Variants in SFXN5 observed in about 807,000 individuals in gnomAD.
SFXN5 encodes sideroflexin-5.
A neutral mutation model predicts 50.2 loss-of-function variants in SFXN5; 43 were observed. That is an observed-to-expected ratio of 0.86 (90% CI 0.67 to 1.11). The LOEUF (loss-of-function observed/expected upper bound fraction) is 1.11, where lower values mean the gene tolerates loss of function less well. Among genes scored for constraint, SFXN5 ranks in the 50% least tolerant of loss-of-function variants. The pLI is 0.00. For missense variants in SFXN5, 463 were observed against 454.1 expected (o/e 1.02, Z -0.18); for synonymous variants, 203 against 185.8 (o/e 1.09, Z -0.75).
chr2:72,969,751 G>T (rs1401614949), intron 11 of SFXN5, among the ~76,000 whole-genome samples: 2 of 148,506 alleles, frequency 1.3e-5, no homozygotes, highest in East Asian at 2.0e-4. Flanking sequence ...AAGATCTTGT[G>T]TCTCTTGGCT....
At chr2:73,011,469 A>C (rs1349381796) in intron 6 of SFXN5, among the ~76,000 whole-genome samples, 4 of 152,372 alleles carry the variant, frequency 2.6e-5, no homozygotes, top group Admixed American at 6.5e-5. Flanking sequence ...TATAACAAAG[A>C]CACCAGAGAA....
chr2:72,957,118 A>G (rs1673184034), intron 13 of SFXN5: 1 of 455,364 alleles, frequency 2.2e-6, no homozygotes, highest in Non-Finnish European at 4.4e-6. Context: ...AGTGGACCAC[A>G]TCCCCTTTCT....
intron 2 of SFXN5, among the ~76,000 whole-genome samples, chr2:73,051,250 T>A (rs965101466): frequency 5.2e-5 from 7 of 134,698 alleles, no homozygotes; most frequent in Admixed American, 1.7e-4. Context: ...TGAGACTTTT[T>A]CCAGCACTTT....
At chr2:73,050,005 A>C (rs990041686) in intron 2 of SFXN5, 3 of 149,870 alleles carry the variant, frequency 2.0e-5, no homozygotes, top group African/African-American at 7.4e-5. Context: ...CCAGGTCCTC[A>C]GTAAATCTAA....
chr2:72,996,506 T>TG (rs1491558309), intron 9 of SFXN5: 4 of 122,242 alleles, frequency 3.3e-5, no homozygotes, highest in Non-Finnish European at 5.3e-5. Flanking sequence ...AGCTGAGTTT[T>TG]GTTTTTTTTT....
intron 10 of SFXN5, among the ~76,000 whole-genome samples, chr2:72,981,621 G>A (rs1671309035): frequency 6.6e-6 from 1 of 152,086 alleles, no homozygotes; most frequent in African/African-American, 2.4e-5. Flanking sequence ...CAGAGCCCTG[G>A]GACACTAGAC....
intron 10 of SFXN5, among the ~76,000 whole-genome samples, chr2:72,972,032 T>C (rs1670069878): frequency 1.3e-5 from 2 of 152,216 alleles, no homozygotes; most frequent in Admixed American, 1.3e-4. Flanking sequence ...CTCTCTGACC[T>C]GAAGTCGCAT....
At chr2:72,986,398 G>A (rs1484327566) in intron 10 of SFXN5, among the ~76,000 whole-genome samples, 3 of 152,188 alleles carry the variant, frequency 2.0e-5, no homozygotes, top group Non-Finnish European at 2.9e-5. Flanking sequence ...GCTCTGGGCT[G>A]TAGGAAGGTG....
intron 1 of SFXN5, among the ~76,000 whole-genome samples, chr2:73,064,780 A>T (rs1683057502): frequency 6.6e-6 from 1 of 152,154 alleles, no homozygotes; most frequent in South Asian, 2.1e-4. Context: ...CTTCCAAAGG[A>T]GCAAGGAATT....
At position 73,000,434 on chromosome 2, in the gene SFXN5, G is replaced by A. The variant is rs1327954542; in HGVS notation, c.465C>T (p.Thr155=). ...GGGAGAGGGCAGTGATGCTCACCTT[G>A]GTCGCATTGCGGTTTGCATAGTTGA... The part of the protein sequence containing the change: ...ACVNYANRNA[T]KPSPASKFIQ... Residue 155 remains threonine (T), a synonymous_variant, in exon 8 of 14, where the codon ACC becomes ACT. Coordinates refer to ENST00000272433, the MANE Select transcript of SFXN5 (RefSeq NM_144579.3). The A allele has an allele frequency of 6.4e-7, 1 of 1,557,426 alleles. No homozygotes were observed. The highest frequency in any genetic ancestry group is 1.2e-5 in the South Asian group (1 of 84,510).
At chr2:73,019,395 G>A (rs1051950548) in intron 6 of SFXN5, 5 of 145,740 alleles carry the variant, frequency 3.4e-5, no homozygotes, top group African/African-American at 1.3e-4. Context: ...CCTAAGTGAT[G>A]TTTACTGGAT....
At position 73,004,524 on chromosome 2, in the gene SFXN5, C is replaced by T. The variant is rs144943204; in HGVS notation, c.358-2946G>A. On this transcript the variant is annotated intron_variant, in intron 6 of 13. Transcript: ENST00000272433. Reference sequence around the variant, plus strand: ...TAGGAAGGGAGGGGTGAGTGTGTCCCGGCTATCTAACGAAGGCGGAGGTAG... The same window carrying T: ...TAGGAAGGGAGGGGTGAGTGTGTCCTGGCTATCTAACGAAGGCGGAGGTAG... 3.3e-3 allele frequency among the ~76,000 whole-genome samples: 508 copies of T among 152,114 alleles called. 5 individuals are homozygous for T. Among genetic ancestry groups the T allele is most frequent in the African/African-American group, 0.011 (448 of 41,508 alleles).
intron 12 of SFXN5, among the ~76,000 whole-genome samples, chr2:72,967,781 G>A (rs1674614229): frequency 6.6e-6 from 1 of 151,966 alleles, no homozygotes; most frequent in South Asian, 2.1e-4. Flanking sequence ...CTTCTCCCAG[G>A]GCCCGCCCTC....
At chr2:72,951,475 GC>G (rs1432071881) in intron 13 of SFXN5, among the ~76,000 whole-genome samples, 1 of 152,186 alleles carries the variant, frequency 6.6e-6, no homozygotes, top group Non-Finnish European at 1.5e-5. Flanking sequence ...TGGGTGGGGG[GC>G]TAGAGTCAGG....
At chr2:72,983,062 G>A (rs1434480904) in intron 10 of SFXN5, among the ~76,000 whole-genome samples, 3 of 152,246 alleles carry the variant, frequency 2.0e-5, no homozygotes, top group African/African-American at 7.2e-5. Context: ...GGCCTGGGGA[G>A]CTGTGCTCTG....
chr2:73,012,649 A>AACTCACAC (rs1675657183), intron 6 of SFXN5, among the ~76,000 whole-genome samples: 1 of 125,858 alleles, frequency 7.9e-6, no homozygotes, highest in South Asian at 3.0e-4. Flanking sequence ...CTAGCCAAAC[A>AACTCACAC]ACACACACAC....
At chr2:73,023,142 C>A (rs1677110938) in intron 4 of SFXN5, 46 bp downstream of exon 4, 1 of 1,585,866 alleles carries the variant, frequency 6.3e-7, no homozygotes. Flanking sequence ...AGGGTGGAGT[C>A]CAGGACAACA....
rs775950766 is a variant in SFXN5, at chr2:72,961,195, A to G, written c.881T>C (p.Val294Ala). The G allele has an allele frequency of 6.4e-7, 1 of 1,566,374 alleles. No homozygotes were observed. Among genetic ancestry groups the G allele is most frequent in the Non-Finnish European group, 8.6e-7 (1 of 1,161,068 alleles). ...GGCCAGGCCGAAGGCTGCCAGGCAC[A>G]CGAGGCTTTGCACAGGGAGGAGCAG... ...PRLLLPVQSL[V>A]CLAAFGLALP... Residue 294 changes from valine to alanine, a missense_variant, in exon 13 of 14, where the codon GTG becomes GCG. By Grantham distance (64) the Val-to-Ala change is moderately conservative (BLOSUM62 0). Coordinates refer to ENST00000272433, the MANE Select transcript of SFXN5 (RefSeq NM_144579.3). The surrounding 1 kb of genome is among the most constrained non-coding windows in gnomAD (Gnocchi z 4.4).
At chr2:73,003,190 C>T (rs1574085209) in intron 6 of SFXN5, among the ~76,000 whole-genome samples, 1 of 152,116 alleles carries the variant, frequency 6.6e-6, no homozygotes, top group African/African-American at 2.4e-5. Context: ...TATGTGTACA[C>T]GTATGCATGC....
Sources: allele counts gnomAD v4.1 joint callset (sites outside exome capture counted in the v4.1 genomes callset), GRCh38; gene constraint gnomAD v4.1.1; non-coding constraint Gnocchi (gnomAD v3.1); transcripts MANE v1.5; gene names NCBI Gene and HGNC (gene_info 2026-07-23, HGNC 2026-07-21).